The following LIN52 variants were observed in gnomAD, a reference collection of about 807,000 sequenced individuals.
LIN52 encodes the protein lin-52 DREAM MuvB core complex component, also known as protein lin-52 homolog.
Under a neutral mutation model 18.5 loss-of-function variants are expected in LIN52, and 4 were observed. The ratio of observed to expected loss-of-function variants is 0.22; its 90% CI spans 0.11 to 0.49. The LOEUF is 0.49. Among genes scored for constraint, LIN52 ranks in the 20% least tolerant of loss-of-function variants. The probability of loss-of-function intolerance (pLI) is 0.97; values close to 1 mark genes in which losing one functional copy is unlikely to be tolerated. For synonymous variants in LIN52, 34 were observed against 45.5 expected, an observed-to-expected ratio of 0.75 and a Z score of 1.02; for missense variants, 102 against 139.5, an observed-to-expected ratio of 0.73 and a Z score of 1.35.
At chr14:74,124,949 G>A (rs2061020514) in intron 5 of LIN52, among the ~76,000 whole-genome samples, 1 of 151,776 alleles carries the variant, frequency 6.6e-6, no homozygotes, top group South Asian at 2.1e-4. Context: ...ACTTTTGTGT[G>A]TCCAAGGGCA....
intron 5 of LIN52, among the ~76,000 whole-genome samples, chr14:74,188,311 G>A (rs2061348884): frequency 6.6e-6 from 1 of 152,088 alleles, no homozygotes; most frequent in African/African-American, 2.4e-5. Context: ...CTCGATGCAA[G>A]TCATACACAA....
intron 5 of LIN52, among the ~76,000 whole-genome samples, chr14:74,154,774 G>T (rs2061192531): frequency 6.6e-6 from 1 of 152,186 alleles, no homozygotes; most frequent in African/African-American, 2.4e-5. Context: ...AAACAGGATC[G>T]GGTTTAGTTA....
chr14:74,097,480 G>C (rs994240510), intron 3 of LIN52, among the ~76,000 whole-genome samples: 1 of 143,770 alleles, frequency 7.0e-6, no homozygotes, highest in African/African-American at 2.6e-5. Context: ...CTGGAGTACA[G>C]TGGCACAATC....
intron 5 of LIN52, among the ~76,000 whole-genome samples, chr14:74,196,963 G>C (rs2139600192): frequency 6.6e-6 from 1 of 152,304 alleles, no homozygotes; most frequent in Admixed American, 6.5e-5. Flanking sequence ...TCTGCAAGAA[G>C]CCCATGCTAC....
chr14:74,190,409 T>TTTTTTTTTTA (rs2061358712), intron 5 of LIN52, among the ~76,000 whole-genome samples: 6 of 139,698 alleles, frequency 4.3e-5, no homozygotes, highest in East Asian at 2.1e-4. Context: ...TTTTTTTTTT[T>TTTTTTTTTTA]GAGACAGAGT....
intron 5 of LIN52, among the ~76,000 whole-genome samples, chr14:74,161,245 G>A (rs1206469929): frequency 1.3e-5 from 2 of 152,108 alleles, no homozygotes; most frequent in African/African-American, 4.8e-5. Flanking sequence ...GGAGTGCAGT[G>A]CATGATCTCG....
chr14:74,175,544 G>T (rs2061289045), intron 5 of LIN52, among the ~76,000 whole-genome samples: 1 of 151,582 alleles, frequency 6.6e-6, no homozygotes, highest in Admixed American at 6.6e-5. Flanking sequence ...AAAAAAAATA[G>T]AAATTAGCTG....
chr14:74,144,487 G>T (rs7152622), intron 5 of LIN52, among the ~76,000 whole-genome samples: 26,265 of 152,046 alleles, frequency 0.17, 2,777 homozygotes, highest in East Asian at 0.58. Flanking sequence ...GCAGCAAAAA[G>T]ATTCTTTTTC....
chr14:74,179,943 A>G (rs2061310995), intron 5 of LIN52, among the ~76,000 whole-genome samples: 2 of 152,204 alleles, frequency 1.3e-5, no homozygotes, highest in South Asian at 2.1e-4. Flanking sequence ...TGGCTAAACC[A>G]TGGATCCTGT....
chr14:74,148,843 A>G (rs1319880270), intron 5 of LIN52, among the ~76,000 whole-genome samples: 6 of 152,202 alleles, frequency 3.9e-5, no homozygotes, highest in Admixed American at 1.3e-4. Context: ...GCCATGCAAC[A>G]GCCTGTCTAG....
At chr14:74,142,936 G>A (rs946552716) in intron 5 of LIN52, among the ~76,000 whole-genome samples, 7 of 150,136 alleles carry the variant, frequency 4.7e-5, no homozygotes, top group Admixed American at 3.3e-4. Context: ...TCTTGGTGAC[G>A]TTTTGGCTTT....
intron 5 of LIN52, among the ~76,000 whole-genome samples, chr14:74,153,590 G>GC (rs1484805716): frequency 6.6e-6 from 1 of 151,266 alleles, no homozygotes; most frequent in Non-Finnish European, 1.5e-5. Context: ...TGTTGCCCAG[G>GC]CTGGAGTACA....
chr14:74,166,458 G>A (rs562361900), intron 5 of LIN52, among the ~76,000 whole-genome samples: 5 of 151,158 alleles, frequency 3.3e-5, no homozygotes, highest in South Asian at 2.1e-4. Flanking sequence ...CAGGTGATCC[G>A]CCCACTTGCC....
intron 5 of LIN52, among the ~76,000 whole-genome samples, chr14:74,177,358 T>C (rs948642955): frequency 6.6e-6 from 1 of 152,200 alleles, no homozygotes; most frequent in African/African-American, 2.4e-5. Context: ...ACAAGTTTTG[T>C]GTCATCGTTT....
intron 5 of LIN52, among the ~76,000 whole-genome samples, chr14:74,178,144 G>A (rs1169448281): frequency 3.9e-5 from 6 of 152,092 alleles, no homozygotes; most frequent in Non-Finnish European, 7.4e-5. Context: ...GTAACTTTGC[G>A]AGAAAGAATC....
At chr14:74,118,827 C>A (rs1317517957) in intron 5 of LIN52, among the ~76,000 whole-genome samples, 6 of 152,164 alleles carry the variant, frequency 3.9e-5, no homozygotes, top group Non-Finnish European at 4.4e-5. Context: ...TGTGCCCCTT[C>A]TAGTCCCTAC....
At chr14:74,169,762 A>G (rs1372380025) in intron 5 of LIN52, among the ~76,000 whole-genome samples, 3 of 152,236 alleles carry the variant, frequency 2.0e-5, no homozygotes, top group Non-Finnish European at 4.4e-5. Flanking sequence ...TAGAGCTTAT[A>G]TTATGCCTCA....
chr14:74,126,495 A>G (rs556606930), intron 5 of LIN52, among the ~76,000 whole-genome samples: 2 of 152,368 alleles, frequency 1.3e-5, no homozygotes, highest in South Asian at 4.1e-4. Flanking sequence ...GTGTCCATCA[A>G]CAGATGAATG....
rs202154189 is a variant in LIN52, at chr14:74,125,783, CA to C, written c.283+24547del. On this transcript the variant is annotated intron_variant, in intron 5 of 5. Transcript: ENST00000555028. ...AACCATCTTTCTCAGCAAACTATCA[CA>C]AGGATAAAAAACCAAACACCGCATG... Among the ~76,000 whole-genome samples, 5 of 149,238 alleles carry C rather than the reference CA, an allele frequency of 3.4e-5. No individual in the cohort carries two copies. The East Asian group carries it at 1.0e-3, about 30-fold the overall frequency.
Sources: allele counts gnomAD v4.1 joint callset (sites outside exome capture counted in the v4.1 genomes callset), GRCh38; gene constraint gnomAD v4.1.1; transcripts MANE v1.5; gene names NCBI Gene and HGNC (gene_info 2026-07-23, HGNC 2026-07-21).